The following ZNF496 variants were observed in gnomAD, a reference collection of about 807,000 sequenced individuals.
ZNF496 encodes NSD1 (nuclear receptor binding SET-domain containing 1)-interacting zinc finger protein 1.
In ZNF496, 11 loss-of-function variants were observed where a neutral mutation model predicts 58.9. That is an observed-to-expected ratio of 0.19 (90% CI 0.12 to 0.31). The LOEUF is 0.31. ZNF496 is among the 10% of genes least tolerant of loss of function. The probability of loss-of-function intolerance (pLI) is 1.00; values close to 1 mark genes in which losing one functional copy is unlikely to be tolerated. For missense variants in ZNF496, 660 were observed against 783.0 expected, an observed-to-expected ratio of 0.84 and a Z score of 1.88; for synonymous variants, 338 against 318.2, an observed-to-expected ratio of 1.06 and a Z score of -0.66.
At chr1:247,305,395 A>T (rs1659377307) in intron 9 of ZNF496, among the ~76,000 whole-genome samples, 1 of 152,250 alleles carries the variant, frequency 6.6e-6, no homozygotes, top group Non-Finnish European at 1.5e-5. Context: ...AAAAAATGTA[A>T]GGCAGAAAAG....
At chr1:247,307,822 A>G (rs1659464937) in intron 9 of ZNF496, 1 of 985,290 alleles carries the variant, frequency 1.0e-6, no homozygotes, top group Admixed American at 6.2e-5. Context: ...TTTTGTATTG[A>G]GAAGAGAAAG....
intron 9 of ZNF496, chr1:247,304,033 C>G (rs1367438701): frequency 2.3e-6 from 1 of 438,066 alleles, no homozygotes; most frequent in Non-Finnish European, 4.5e-6. Flanking sequence ...GTATTATATA[C>G]CAGCAGAAAC....
chr1:247,306,629 G>A (rs1558437420), intron 9 of ZNF496, among the ~76,000 whole-genome samples: 1 of 151,192 alleles, frequency 6.6e-6, no homozygotes, highest in Non-Finnish European at 1.5e-5. Context: ...AGCCTCCCCA[G>A]TAGCTGAGAC....
chr1:247,307,651 G>A (rs192011771), intron 9 of ZNF496: 254 of 985,410 alleles, frequency 2.6e-4, no homozygotes, highest in Non-Finnish European at 2.9e-4. Flanking sequence ...GTCCATGCAT[G>A]AAAGGGGGCC....
rs1366379158 is a variant in ZNF496 at position 247,298,609 on chromosome 1, C to G, written c.*1910G>C. 6.6e-6 allele frequency: 1 copy of G among 152,280 alleles called. No individual in the cohort carries two copies. The highest frequency in any genetic ancestry group is 1.9e-4 in the East Asian group (1 of 5,196). 9.4% of individuals were successfully genotyped at this position (152,280 alleles called of 1,614,324 possible). A position where few individuals can be genotyped will look rare whatever the true frequency, so the allele number is the denominator to read the frequency against. ...GGATTACAGGTGTGAGCCACTGCACCCAGCCCAGAGTTTTCCTGATGTGAA... is the reference window on the plus strand; with the variant it reads ...GGATTACAGGTGTGAGCCACTGCACGCAGCCCAGAGTTTTCCTGATGTGAA... On this transcript the variant is annotated 3_prime_UTR_variant, in exon 10 of 10. Transcript: ENST00000682384.
Position 247,309,945 on chromosome 1 carries a change from C to T in ZNF496, c.785-139G>A. 7.5e-7 allele frequency: 1 copy of T among 1,333,618 alleles called. No homozygotes were observed. The highest frequency in any genetic ancestry group is 1.0e-6 in the Non-Finnish European group (1 of 991,790). 82.6% of individuals were successfully genotyped at this position (1,333,618 alleles called of 1,614,324 possible). ...GGGGCGAGAAGTGAAAAGGCCAGAG[C>T]TGGCAGTGCAGGGGCAGTGGGGGCA... On this transcript the variant is annotated intron_variant, in intron 7 of 9. Coordinates refer to ENST00000682384, the MANE Select transcript of ZNF496 (RefSeq NM_032752.3). The surrounding 1 kb of genome is among the most constrained non-coding windows in gnomAD (Gnocchi z 4.3).
chr1:247,315,243 CCCA>C (rs1659734555), intron 6 of ZNF496, among the ~76,000 whole-genome samples: 1 of 151,890 alleles, frequency 6.6e-6, no homozygotes, highest in Admixed American at 6.6e-5. Flanking sequence ...TGCAGGACAC[CCCA>C]CCTTCAATGC....
rs115379658 is a variant in ZNF496, at chr1:247,328,129, A to G, written c.574+554T>C. On this transcript the variant is annotated intron_variant, in intron 5 of 9. Coordinates refer to ENST00000682384, the MANE Select transcript of ZNF496 (RefSeq NM_032752.3). ...TCTAAGTTTATCTGATGAAAAAACT[A>G]CTTTCCTGTAGCTACCATGTACTTC... is the stretch of plus-strand genomic sequence containing the variant. 2.3e-3 allele frequency among the ~76,000 whole-genome samples: 345 copies of G among 152,320 alleles called. 4 individuals are homozygous for G. Among genetic ancestry groups the G allele is most frequent in the African/African-American group, 8.1e-3 (338 of 41,574 alleles).
intron 9 of ZNF496, among the ~76,000 whole-genome samples, chr1:247,304,874 AT>A (rs34899869): frequency 0.59 from 89,084 of 151,954 alleles, 27,249 homozygotes; most frequent in East Asian, 0.93. Flanking sequence ...CCCATACCTG[AT>A]TTGAGATGTT....
Position 247,329,532 on chromosome 1 carries a change from T to C in ZNF496, c.47A>G (p.Glu16Gly). Residue 16 changes from glutamate to glycine, a missense_variant, in exon 4 of 10, where the codon GAG becomes GGG. By Grantham distance (98) the Glu-to-Gly change is moderately conservative. Transcript: ENST00000682384. This position sits in a 1 kb window ranked among gnomAD's most constrained non-coding sequence, Gnocchi z 5.5. ...TGGGCTCCTCATTTTCCTGGGCTCC[T>C]CACTTTCCTTCGGAGCCAAGACTCG... ...CPRVLAPKES[E>G]EPRKMRSPPG... is the part of the protein sequence containing the mutation. 6.3e-7 allele frequency: 1 copy of C among 1,574,804 alleles called. No homozygotes were observed. The highest frequency in any genetic ancestry group is 8.6e-7 in the Non-Finnish European group (1 of 1,166,106).
chr1:247,322,125 A>G (rs1158983691), intron 6 of ZNF496, among the ~76,000 whole-genome samples: 1 of 152,118 alleles, frequency 6.6e-6, no homozygotes, highest in African/African-American at 2.4e-5. Flanking sequence ...CTACAAGGAA[A>G]TACAAAACTT....
chr1:247,317,048 GGA>G (rs1393457867), intron 6 of ZNF496, among the ~76,000 whole-genome samples: 2 of 152,094 alleles, frequency 1.3e-5, no homozygotes, highest in Non-Finnish European at 2.9e-5. Flanking sequence ...TCACGAGAAG[GGA>G]TGGGCAAGAT....
intron 2 of ZNF496, among the ~76,000 whole-genome samples, 163 bp downstream of exon 2, chr1:247,331,269 G>A (rs1249505470): frequency 6.6e-6 from 1 of 152,240 alleles, no homozygotes; most frequent in South Asian, 2.1e-4. Context: ...GGCCCCGCAG[G>A]GGCGGAGCGA....
At chr1:247,306,406 C>A (rs1558437263) in intron 9 of ZNF496, among the ~76,000 whole-genome samples, 2 of 151,932 alleles carry the variant, frequency 1.3e-5, no homozygotes, top group Non-Finnish European at 2.9e-5. Flanking sequence ...CCATATTGGC[C>A]AGGCTGGTCT....
In ZNF496 at chr1:247,308,412, A is replaced by T; in HGVS notation, c.1006+63T>A. On this transcript the variant is annotated intron_variant, in intron 9 of 9. Transcript: ENST00000682384. This position sits in a 1 kb window ranked among gnomAD's most constrained non-coding sequence, Gnocchi z 4.5. ...TCCCCTATGCCACACATGCATACAT[A>T]CATTCATGCGACACACCACAGACAC... 7.1e-7 allele frequency: 1 copy of T among 1,415,684 alleles called. No homozygotes were observed. The highest frequency in any genetic ancestry group is 1.0e-6 in the Non-Finnish European group (1 of 1,001,256). 87.7% of individuals were successfully genotyped at this position (1,415,684 alleles called of 1,614,324 possible).
chr1:247,326,350 T>A (rs1410744469), intron 5 of ZNF496, among the ~76,000 whole-genome samples: 1 of 152,116 alleles, frequency 6.6e-6, no homozygotes, highest in Non-Finnish European at 1.5e-5. Flanking sequence ...GTTAAGGTTT[T>A]CCTGATTGCT....
chr1:247,314,632 T>G (rs936473006), intron 6 of ZNF496, among the ~76,000 whole-genome samples: 2 of 152,206 alleles, frequency 1.3e-5, no homozygotes, highest in African/African-American at 4.8e-5. Flanking sequence ...AGAATAATTT[T>G]TAAAACATGC....
intron 6 of ZNF496, chr1:247,313,976 T>C (rs1041383913): frequency 3.9e-5 from 6 of 152,134 alleles, no homozygotes; most frequent in Non-Finnish European, 5.9e-5. Flanking sequence ...GACTCTGGGG[T>C]TAGGTGTAAC....
rs1216945453 is a variant in ZNF496, at chr1:247,298,493, G to C, written c.*2026C>G. On this transcript the variant is annotated 3_prime_UTR_variant, in exon 10 of 10. Coordinates refer to ENST00000682384, the MANE Select transcript of ZNF496 (RefSeq NM_032752.3). ...CAACACCACACCCAGCTAATTTTTT[G>C]CATTTTTGGTACAGACGGGGTTTTG... The C allele has an allele frequency of 1.3e-5, 2 of 152,526 alleles. No homozygotes were observed. Among genetic ancestry groups the C allele is most frequent in the Non-Finnish European group, 2.9e-5 (2 of 68,308 alleles). The allele number at this position is 152,526 out of a possible 1,614,324, so 9.4% of individuals were successfully genotyped here.
Sources: gnomAD v4.1 joint callset for allele counts (sites outside exome capture counted in the v4.1 genomes callset) on GRCh38, gnomAD v4.1.1 for gene constraint, Gnocchi (gnomAD v3.1) non-coding constraint, MANE v1.5 for transcripts, NCBI Gene and HGNC (gene_info 2026-07-23, HGNC 2026-07-21) for gene names.